Variants in OSBPL8 observed in about 807,000 individuals in gnomAD.
The protein encoded by OSBPL8 is oxysterol binding protein like 8.
OSBPL8 carries 59 observed loss-of-function variants against 125.5 expected under a neutral mutation model. That is an observed-to-expected ratio of 0.47 (90% confidence interval 0.38 to 0.58). The LOEUF (loss-of-function observed/expected upper bound fraction) is 0.58. Ranked by LOEUF, OSBPL8 falls within the 20% of genes least tolerant of loss-of-function variation. OSBPL8 has a pLI of 0.00. For missense variants in OSBPL8, 758 were observed against 1,047.8 expected (o/e 0.72, Z 3.82); for synonymous variants, 330 against 338.9 (o/e 0.97, Z 0.29).
chr12:76,398,564 T>G (rs1463219325), intron 7 of OSBPL8, among the ~76,000 whole-genome samples: 1 of 152,232 alleles, frequency 6.6e-6, no homozygotes, highest in Non-Finnish European at 1.5e-5. Flanking sequence ...TTTCTATAAA[T>G]TTCTATTTCC....
intron 2 of OSBPL8, among the ~76,000 whole-genome samples, chr12:76,478,856 C>T (rs181615104): frequency 1.3e-5 from 2 of 152,144 alleles, no homozygotes; most frequent in Non-Finnish European, 2.9e-5. Context: ...GAGGCCGAGG[C>T]GGGTGGATCA....
In OSBPL8 at chr12:76,501,817, C is replaced by A. The variant is rs146029488; in HGVS notation, c.-67-14199G>T. Among the ~76,000 whole-genome samples, 8 of 152,346 alleles carry A rather than the reference C, an allele frequency of 5.3e-5. No homozygotes were observed. In the East Asian group the frequency reaches 1.3e-3, roughly 26 times the overall value. ...TAGTTGCCCAGTGGCAGGTAGATTA[C>A]GTTGAGCTGCTTCCATCACGAAGGG... On this transcript the variant is annotated intron_variant, in intron 1 of 23. Coordinates refer to ENST00000261183, the MANE Select transcript of OSBPL8 (RefSeq NM_020841.5).
At chr12:76,386,546 T>C (rs1430775322) in intron 13 of OSBPL8, 33 bp downstream of exon 13, 2 of 1,518,278 alleles carry the variant, frequency 1.3e-6, no homozygotes, top group East Asian at 4.5e-5. Context: ...CATAAAACAC[T>C]AAAGACAATA....
chr12:76,543,081 T>C (rs912764783), intron 1 of OSBPL8, among the ~76,000 whole-genome samples: 3 of 152,050 alleles, frequency 2.0e-5, no homozygotes, highest in Non-Finnish European at 4.4e-5. Flanking sequence ...GGTAATTACA[T>C]AGTGAATTGT....
intron 23 of OSBPL8, 141 bp from the exon 24 acceptor site, chr12:76,356,162 T>TGGGGGGGGGGTGGGTGGGGG: frequency 1.5e-5 from 2 of 136,872 alleles, no homozygotes; most frequent in Non-Finnish European, 3.0e-5. Context: ...TATGTAGGGG[T>TGGGGGGGGGGTGGGTGGGGG]GGGGGGGGGC....
chr12:76,365,949 G>A (rs1952398989), intron 21 of OSBPL8, among the ~76,000 whole-genome samples: 1 of 152,092 alleles, frequency 6.6e-6, no homozygotes, highest in Non-Finnish European at 1.5e-5. Context: ...ACTTGGTCAT[G>A]GTGTATAATC....
At chr12:76,372,888 A>G (rs1227554024) in intron 18 of OSBPL8, among the ~76,000 whole-genome samples, 4 of 152,168 alleles carry the variant, frequency 2.6e-5, no homozygotes, top group African/African-American at 4.8e-5. Flanking sequence ...TGTGCATAAA[A>G]GCACAGTCCT....
chr12:76,381,840 T>TTCTCCTGCC (rs1214726335), intron 15 of OSBPL8, among the ~76,000 whole-genome samples: 1 of 152,100 alleles, frequency 6.6e-6, no homozygotes, highest in Non-Finnish European at 1.5e-5. Context: ...GTTCAAGTGA[T>TTCTCCTGCC]TCTCCTGCCT....
intron 15 of OSBPL8, among the ~76,000 whole-genome samples, chr12:76,382,403 G>C (rs1240068917): frequency 6.6e-6 from 1 of 152,002 alleles, no homozygotes; most frequent in Non-Finnish European, 1.5e-5. Context: ...TAGCACTACT[G>C]ACATTTAGGG....
chr12:76,378,561 A>G lies in OSBPL8; in HGVS notation c.1631-11T>C, dbSNP rs1022487259. 1.4e-5 allele frequency: 22 copies of G among 1,546,602 alleles called. No homozygotes were observed. Among genetic ancestry groups the G allele is most frequent in the Middle Eastern group, 3.4e-4 (2 of 5,822 alleles). ...CAGATAATGAGTTTCCTGAAATAAAATGTTGTTTATTAAATTTCACAAAAC... is the reference window on the plus strand; with the variant it reads ...CAGATAATGAGTTTCCTGAAATAAAGTGTTGTTTATTAAATTTCACAAAAC... On this transcript the variant is annotated splice_polypyrimidine_tract_variant and intron_variant, in intron 15 of 23. Coordinates refer to ENST00000261183, the MANE Select transcript of OSBPL8 (RefSeq NM_020841.5).
chr12:76,382,900 C>T (rs1191307583), intron 15 of OSBPL8, among the ~76,000 whole-genome samples: 1 of 152,172 alleles, frequency 6.6e-6, no homozygotes, highest in Non-Finnish European at 1.5e-5. Flanking sequence ...TTTGCTATCT[C>T]TAGGTCCATT....
intron 1 of OSBPL8, among the ~76,000 whole-genome samples, chr12:76,548,792 G>C (rs1565989988): frequency 6.6e-6 from 1 of 152,156 alleles, no homozygotes; most frequent in Non-Finnish European, 1.5e-5. Context: ...AAGGAACAGG[G>C]GAGGGAGGGT....
chr12:76,356,069 T>G (rs1279085393), intron 23 of OSBPL8, 48 bp from the exon 24 acceptor site: 2 of 1,544,322 alleles, frequency 1.3e-6, no homozygotes, highest in East Asian at 4.6e-5. Context: ...GCCAGAAATG[T>G]TGGCATAGAG....
intron 22 of OSBPL8, 28 bp downstream of exon 22, chr12:76,358,678 C>A: frequency 6.6e-7 from 1 of 1,520,018 alleles, no homozygotes; most frequent in Non-Finnish European, 9.1e-7. Context: ...AAGTTAGACT[C>A]TCATTAGTCT....
chr12:76,440,723 G>A (rs567303632), intron 4 of OSBPL8, among the ~76,000 whole-genome samples: 12 of 152,158 alleles, frequency 7.9e-5, no homozygotes, highest in African/African-American at 2.9e-4. Context: ...AACTAAGTAC[G>A]TTACCCTTCA....
intron 21 of OSBPL8, among the ~76,000 whole-genome samples, chr12:76,359,665 C>T (rs761645308): frequency 4.6e-5 from 7 of 152,038 alleles, no homozygotes; most frequent in Non-Finnish European, 8.8e-5. Flanking sequence ...CTGCAGAGGT[C>T]GCAAAATCAT....
At position 76,412,971 on chromosome 12, in the gene OSBPL8, T is replaced by C. The variant is rs76880954; in HGVS notation, c.218-2337A>G. On this transcript the variant is annotated intron_variant, in intron 4 of 23. Coordinates refer to ENST00000261183, the MANE Select transcript of OSBPL8 (RefSeq NM_020841.5). ...TCACACATACTTGTACTACAGTATTTACTGCAGTATACTCCAATTATCTTT... is the reference window on the plus strand; with the variant it reads ...TCACACATACTTGTACTACAGTATTCACTGCAGTATACTCCAATTATCTTT... 6.6e-3 allele frequency among the ~76,000 whole-genome samples: 998 copies of C among 152,304 alleles called. 6 individuals carry two copies. Among genetic ancestry groups the C allele is most frequent in the Middle Eastern group, 0.037 (11 of 294 alleles).
intron 1 of OSBPL8, among the ~76,000 whole-genome samples, chr12:76,550,842 T>C (rs1336987335): frequency 2.0e-5 from 3 of 152,162 alleles, no homozygotes; most frequent in African/African-American, 7.2e-5. Flanking sequence ...GGTTCATGCC[T>C]GTAATCCCAA....
chr12:76,397,493 A>G (rs1374147059), intron 8 of OSBPL8, among the ~76,000 whole-genome samples: 1 of 152,232 alleles, frequency 6.6e-6, no homozygotes, highest in Non-Finnish European at 1.5e-5. Flanking sequence ...AAGATGCAAT[A>G]TAAAAAGTTA....
Sources: allele counts gnomAD v4.1 joint callset (sites outside exome capture counted in the v4.1 genomes callset), GRCh38; gene constraint gnomAD v4.1.1; transcripts MANE v1.5; gene names NCBI Gene and HGNC (gene_info 2026-07-23, HGNC 2026-07-21).